Variants in C1orf146 observed in about 807,000 individuals in gnomAD.
C1orf146 encodes the protein chromosome 1 open reading frame 146.
In C1orf146, 22 loss-of-function variants were observed where a neutral mutation model predicts 23.0. The ratio of observed to expected loss-of-function variants is 0.96; its 90% confidence interval spans 0.68 to 1.36. The LOEUF is 1.36. Among genes scored for constraint, C1orf146 ranks in the 40% most tolerant of loss-of-function variants. C1orf146 has a pLI of 0.00. For synonymous variants in C1orf146, 59 were observed against 65.3 expected, an observed-to-expected ratio of 0.90 and a Z score of 0.47; for missense variants, 199 against 206.8, an observed-to-expected ratio of 0.96 and a Z score of 0.23.
At chr1:92,244,112 T>C in intron 3 of C1orf146, 105 bp from the exon 4 acceptor site, 1 of 673,888 alleles carries the variant, frequency 1.5e-6, no homozygotes, top group South Asian at 1.8e-5. Flanking sequence ...AGTTTAGGGC[T>C]TGGACACATG....
At chr1:92,245,015 T>C (rs1237192948) in intron 5 of C1orf146, among the ~76,000 whole-genome samples, 158 bp downstream of exon 5, 1 of 152,224 alleles carries the variant, frequency 6.6e-6, no homozygotes. Flanking sequence ...CCTAACTCTC[T>C]TAAGTCTTCT....
chr1:92,244,199 T>C lies in C1orf146; in HGVS notation c.161-18T>C. 6.5e-7 allele frequency: 1 copy of C among 1,533,842 alleles called. No homozygotes were observed. The highest frequency in any genetic ancestry group is 2.3e-5 in the East Asian group (1 of 44,380). On this transcript the variant is annotated intron_variant, in intron 3 of 5. Transcript: ENST00000370375. ...TCTATAACAAAGTGACATTTTATAT[T>C]CAATTCACCTTTCCTAGGAGTTGCA...
At chr1:92,240,384 C>T (rs955588381) in intron 2 of C1orf146, among the ~76,000 whole-genome samples, 1 of 152,128 alleles carries the variant, frequency 6.6e-6, no homozygotes, top group African/African-American at 2.4e-5. Context: ...GGTTGTCCAG[C>T]TTTTCTAGTT....
Position 92,245,542 on chromosome 1 carries a change from T to A in C1orf146, c.411T>A (p.Thr137=). 6.3e-7 allele frequency: 1 copy of A among 1,589,268 alleles called. No homozygotes were observed. Among genetic ancestry groups the A allele is most frequent in the Non-Finnish European group, 8.5e-7 (1 of 1,170,784 alleles). ...TGCATCTTTATATCTTCTTCCAGAC[T>A]ACCTCCAAACCATACATAGATAGCA... The part of the protein sequence containing the change: ...AINLMCTIAK[T]TSKPYIDSIC... Residue 137 remains threonine, a splice_region_variant and synonymous_variant, in exon 6 of 6, where the codon ACT becomes ACA. Transcript: ENST00000370375.
At chr1:92,224,257 C>T (rs886301629) in intron 1 of C1orf146, among the ~76,000 whole-genome samples, 2 of 151,384 alleles carry the variant, frequency 1.3e-5, no homozygotes, top group South Asian at 2.1e-4. Flanking sequence ...TCACTGTTAG[C>T]CAGGATGGTC....
rs549655106 is a variant in C1orf146, at chr1:92,217,944, C to G, written c.-144C>G. The G allele has an allele frequency of 1.3e-5, 2 of 152,410 alleles. No homozygotes were observed. The highest frequency in any genetic ancestry group is 3.9e-4 in the East Asian group (2 of 5,178). 9.4% of individuals were successfully genotyped at this position (152,410 alleles called of 1,614,324 possible). The stretch of plus-strand genomic sequence containing the variant: ...GCCCAGCGACTGCAGAACCCTGCCC[C>G]AGGCACCCTGGGCGCTCTGCCCTAC... On this transcript the variant is annotated 5_prime_UTR_variant, in exon 1 of 6. Coordinates refer to ENST00000370375, the MANE Select transcript of C1orf146 (RefSeq NM_001012425.2).
At chr1:92,226,858 G>C (rs532165206) in intron 1 of C1orf146, among the ~76,000 whole-genome samples, 1 of 152,006 alleles carries the variant, frequency 6.6e-6, no homozygotes, top group Non-Finnish European at 1.5e-5. Flanking sequence ...CCTGCTTTTG[G>C]ACTTCTGAAG....
intron 2 of C1orf146, among the ~76,000 whole-genome samples, chr1:92,236,784 A>G (rs1652288349): frequency 6.6e-6 from 1 of 151,986 alleles, no homozygotes; most frequent in African/African-American, 2.4e-5. Flanking sequence ...ATAGTCCCAT[A>G]TTTCTTGCTG....
At position 92,238,812 on chromosome 1, in the gene C1orf146, T is replaced by C. The variant is rs1368337617; in HGVS notation, c.67-3400T>C. The stretch of plus-strand genomic sequence containing the variant: ...AACCATACCTTTAGGTCTGAATGCC[T>C]TTACCTATGTTATTCTTTCTGTCCA... On this transcript the variant is annotated intron_variant, in intron 2 of 5. Transcript: ENST00000370375. Among the ~76,000 whole-genome samples the C allele has an allele frequency of 2.0e-5, 3 of 152,230 alleles. No individual in the cohort carries two copies. In the East Asian group the frequency reaches 5.8e-4, roughly 29 times the overall value.
chr1:92,232,001 G>A (rs1215428819), intron 2 of C1orf146, among the ~76,000 whole-genome samples: 1 of 152,144 alleles, frequency 6.6e-6, no homozygotes, highest in Non-Finnish European at 1.5e-5. Flanking sequence ...ACCAGCTGAT[G>A]TCTGGAATGA....
intron 1 of C1orf146, among the ~76,000 whole-genome samples, chr1:92,222,059 G>A (rs1289084057): frequency 1.3e-5 from 2 of 151,992 alleles, no homozygotes; most frequent in Non-Finnish European, 2.9e-5. Flanking sequence ...CCAATGTGGC[G>A]AAACCCCATC....
chr1:92,237,107 G>A (rs1190265764), intron 2 of C1orf146, among the ~76,000 whole-genome samples: 1 of 152,126 alleles, frequency 6.6e-6, no homozygotes, highest in East Asian at 1.9e-4. Flanking sequence ...CTCTCAACTC[G>A]TTAAAGTCAT....
At chr1:92,233,889 G>A (rs1313753279) in intron 2 of C1orf146, among the ~76,000 whole-genome samples, 6 of 152,212 alleles carry the variant, frequency 3.9e-5, no homozygotes, top group South Asian at 4.2e-4. Flanking sequence ...ATGGGAGTTT[G>A]CTCATGATTT....
intron 2 of C1orf146, among the ~76,000 whole-genome samples, chr1:92,232,616 T>C (rs1179150491): frequency 1.3e-5 from 2 of 152,144 alleles, no homozygotes; most frequent in Non-Finnish European, 2.9e-5. Flanking sequence ...GTCCTTTGGG[T>C]ATTACCCAGT....
At chr1:92,222,686 A>G (rs1293137442) in intron 1 of C1orf146, among the ~76,000 whole-genome samples, 1 of 150,226 alleles carries the variant, frequency 6.7e-6, no homozygotes, top group Middle Eastern at 3.2e-3. Flanking sequence ...TCCCGGGTTC[A>G]TGCCATTCTC....
rs1175409953 is a variant in C1orf146 at position 92,231,463 on chromosome 1, A to G, written c.43A>G (p.Ile15Val). The G allele has an allele frequency of 6.8e-6, 11 of 1,611,218 alleles. No homozygotes were observed. The highest frequency in any genetic ancestry group is 1.3e-5 in the African/African-American group (1 of 74,752). ...AGAAAAAATAAAATGGACAACCACC[A>G]TTATTATTAGCTCATCTCTTAAGGT... is the stretch of plus-strand genomic sequence containing the variant. ...GKEKIKWTTT[I>V]IISSSLKSYE... Residue 15 changes from isoleucine (I) to valine (V), a missense_variant, in exon 2 of 6, where the codon ATT becomes GTT. Ile to Val is a conservative substitution (Grantham distance 29). Transcript: ENST00000370375.
At chr1:92,235,060 G>C (rs990148345) in intron 2 of C1orf146, among the ~76,000 whole-genome samples, 5 of 152,130 alleles carry the variant, frequency 3.3e-5, no homozygotes, top group South Asian at 4.1e-4. Context: ...CAAAAAACCA[G>C]CTCCTGGATT....
intron 4 of C1orf146, 38 bp downstream of exon 4, chr1:92,244,423 A>G (rs1652516373): frequency 6.9e-7 from 1 of 1,449,958 alleles, no homozygotes; most frequent in Non-Finnish European, 9.4e-7. Context: ...TTTTTCTTAT[A>G]TTGTATTTAT....
chr1:92,226,009 A>C (rs930404326), intron 1 of C1orf146, among the ~76,000 whole-genome samples: 3 of 152,220 alleles, frequency 2.0e-5, no homozygotes, highest in African/African-American at 7.2e-5. Flanking sequence ...CTATTTAAAA[A>C]ATTTTTAAAT....
Sources: allele counts gnomAD v4.1 joint callset (sites outside exome capture counted in the v4.1 genomes callset), GRCh38; gene constraint gnomAD v4.1.1; transcripts MANE v1.5; gene names NCBI Gene and HGNC (gene_info 2026-07-23, HGNC 2026-07-21).